Variants in MDGA2 observed in about 807,000 individuals in gnomAD.
MDGA2 encodes the protein MAM domain-containing glycosylphosphatidylinositol anchor protein 2.
MDGA2 carries 40 observed loss-of-function variants against 117.8 expected under a neutral mutation model. The observed-to-expected ratio is 0.34, with a 90% CI of 0.26 to 0.44. The LOEUF (loss-of-function observed/expected upper bound fraction) is 0.44, where lower values mean the gene tolerates loss of function less well. Ranked by LOEUF, MDGA2 falls within the 20% of genes least tolerant of loss-of-function variation. The pLI is 1.00. For missense variants in MDGA2, 1,123 were observed against 1,250.6 expected (o/e 0.90, Z 1.54); for synonymous variants, 452 against 439.0 (o/e 1.03, Z -0.37).
intron 1 of MDGA2, among the ~76,000 whole-genome samples, chr14:47,500,197 C>G: frequency 6.6e-6 from 1 of 152,106 alleles, no homozygotes; most frequent in Non-Finnish European, 1.5e-5. Flanking sequence ...GTTGACTGAA[C>G]TCCTTGGATA....
At chr14:47,164,005 T>C (rs962571633) in intron 3 of MDGA2, among the ~76,000 whole-genome samples, 1 of 152,190 alleles carries the variant, frequency 6.6e-6, no homozygotes, top group Non-Finnish European at 1.5e-5. Context: ...TCACAGACTG[T>C]TTTCCAAATT....
At chr14:47,271,032 A>G (rs569286280) in intron 2 of MDGA2, among the ~76,000 whole-genome samples, 220 of 152,224 alleles carry the variant, frequency 1.4e-3, no homozygotes, top group African/African-American at 4.9e-3. Context: ...TTTCCTGTGT[A>G]GGATTACTAA....
At chr14:47,193,398 T>A (rs1373920514) in intron 3 of MDGA2, among the ~76,000 whole-genome samples, 3 of 152,184 alleles carry the variant, frequency 2.0e-5, no homozygotes, top group Non-Finnish European at 2.9e-5. Context: ...AGATTAGGAA[T>A]CAGACCCATC....
intron 6 of MDGA2, among the ~76,000 whole-genome samples, chr14:47,079,727 A>ATTTTTTTTTTTTTTTTTTTTTTTTT (rs35801678): frequency 1.7e-4 from 14 of 80,072 alleles, no homozygotes; most frequent in African/African-American, 6.8e-4. Flanking sequence ...TTTTCTACTA[A>ATTTTTTTTTTTTTTTTTTTTTTTTT]TTTTTTTTTT....
intron 1 of MDGA2, among the ~76,000 whole-genome samples, chr14:47,511,367 A>G (rs1352376727): frequency 6.6e-6 from 1 of 152,206 alleles, no homozygotes; most frequent in African/African-American, 2.4e-5. Flanking sequence ...ATAATTAGAC[A>G]TTTAAAAATT....
intron 1 of MDGA2, among the ~76,000 whole-genome samples, chr14:47,491,248 T>C (rs1175203150): frequency 1.3e-5 from 2 of 152,084 alleles, no homozygotes; most frequent in Non-Finnish European, 2.9e-5. Flanking sequence ...AAATGCCTTC[T>C]ACAGAATCGA....
At chr14:47,668,345 G>C (rs1205254519) in intron 1 of MDGA2, among the ~76,000 whole-genome samples, 2 of 152,150 alleles carry the variant, frequency 1.3e-5, no homozygotes, top group African/African-American at 4.8e-5. Context: ...AGAGATTTTA[G>C]TAATTTGTAA....
At chr14:47,161,579 T>C (rs1339874733) in intron 3 of MDGA2, among the ~76,000 whole-genome samples, 2 of 151,672 alleles carry the variant, frequency 1.3e-5, no homozygotes, top group African/African-American at 4.8e-5. Context: ...ATACAAAAAT[T>C]TTTGAGAGAA....
intron 1 of MDGA2, among the ~76,000 whole-genome samples, chr14:47,365,579 A>C (rs187972969): frequency 6.6e-6 from 1 of 152,372 alleles, no homozygotes; most frequent in Non-Finnish European, 1.5e-5. Flanking sequence ...CAAACTGATA[A>C]GGAAATAATA....
chr14:47,503,060 C>T (rs186671717), intron 1 of MDGA2, among the ~76,000 whole-genome samples: 29 of 152,238 alleles, frequency 1.9e-4, no homozygotes, highest in Admixed American at 2.6e-4. Flanking sequence ...ACAAATGCCC[C>T]GTTTAACATT....
intron 8 of MDGA2, among the ~76,000 whole-genome samples, chr14:46,969,368 A>G (rs1886167574): frequency 6.6e-6 from 1 of 152,196 alleles, no homozygotes; most frequent in Non-Finnish European, 1.5e-5. Flanking sequence ...TCCCACCAAC[A>G]GTGTAAAAGT....
chr14:47,078,607 T>C (rs1051717884), intron 6 of MDGA2, among the ~76,000 whole-genome samples: 9 of 152,170 alleles, frequency 5.9e-5, no homozygotes, highest in Admixed American at 3.3e-4. Flanking sequence ...GGGAAAATTA[T>C]TAAGAAAAAA....
intron 2 of MDGA2, among the ~76,000 whole-genome samples, chr14:47,244,478 A>T (rs2139618154): frequency 6.6e-6 from 1 of 151,888 alleles, no homozygotes; most frequent in Admixed American, 6.6e-5. Context: ...TTTTTTGGCC[A>T]CGTATACTAG....
At chr14:46,915,814 T>G (rs1441219406) in intron 10 of MDGA2, among the ~76,000 whole-genome samples, 3 of 152,156 alleles carry the variant, frequency 2.0e-5, no homozygotes, top group Admixed American at 6.5e-5. Context: ...TCCAATACAC[T>G]GGCTGTGCAT....
At chr14:47,030,275 G>T (rs1453980676) in intron 8 of MDGA2, among the ~76,000 whole-genome samples, 2 of 151,996 alleles carry the variant, frequency 1.3e-5, no homozygotes, top group Admixed American at 1.3e-4. Flanking sequence ...AGCACTTTGG[G>T]AGGCTGAGGT....
At chr14:47,418,303 C>T (rs1467883838) in intron 1 of MDGA2, among the ~76,000 whole-genome samples, 1 of 151,986 alleles carries the variant, frequency 6.6e-6, no homozygotes, top group Non-Finnish European at 1.5e-5. Context: ...CCAGGCTGAT[C>T]TCGAACTCCT....
chr14:47,607,432 G>C (rs1174586286), intron 1 of MDGA2, among the ~76,000 whole-genome samples: 1 of 152,016 alleles, frequency 6.6e-6, no homozygotes, highest in Non-Finnish European at 1.5e-5. Context: ...TATTTTAGTT[G>C]CTATATATCA....
At chr14:46,898,116 T>C (rs1471896871) in intron 10 of MDGA2, among the ~76,000 whole-genome samples, 1 of 152,012 alleles carries the variant, frequency 6.6e-6, no homozygotes, top group African/African-American at 2.4e-5. Flanking sequence ...CATGGAGGAC[T>C]ATTTCCAAAA....
intron 7 of MDGA2, among the ~76,000 whole-genome samples, chr14:47,054,536 A>T (rs533501589): frequency 7.1e-6 from 1 of 141,194 alleles, no homozygotes; most frequent in East Asian, 2.2e-4. Flanking sequence ...TCATTGTTCA[A>T]TTCCCACCTA....
Sources: allele counts gnomAD v4.1 joint callset (sites outside exome capture counted in the v4.1 genomes callset), GRCh38; gene constraint gnomAD v4.1.1; transcripts MANE v1.5; gene names NCBI Gene and HGNC (gene_info 2026-07-23, HGNC 2026-07-21).